The following DAB1 variants were observed in gnomAD, a reference collection of about 807,000 sequenced individuals.
The protein encoded by DAB1 is disabled homolog 1.
In DAB1, 15 loss-of-function variants were observed where a neutral mutation model predicts 64.6. The observed-to-expected ratio is 0.23, with a 90% CI of 0.16 to 0.36. The LOEUF (loss-of-function observed/expected upper bound fraction) is 0.36, where lower values mean the gene tolerates loss of function less well. DAB1 is among the 10% of genes least tolerant of loss of function. DAB1 has a pLI of 1.00. For missense variants in DAB1, 596 were observed against 706.7 expected (o/e 0.84, Z 1.78); for synonymous variants, 235 against 251.9 (o/e 0.93, Z 0.64).
At chr1:58,217,562 A>G (rs1048585713) in intron 4 of DAB1, among the ~76,000 whole-genome samples, 2 of 152,196 alleles carry the variant, frequency 1.3e-5, no homozygotes, top group African/African-American at 4.8e-5. Flanking sequence ...TTGTCAAGTA[A>G]TTCTGGAGGT....
In DAB1 at chr1:57,208,711, G is replaced by A. The variant is rs557374537; in HGVS notation, c.68-63282C>T. ...AGGTACTGTGGCAGGTGATTTTAAT[G>A]CATTTTCTTTCTCCAGTTTACATGA... On this transcript the variant is annotated intron_variant, in intron 2 of 14. Coordinates refer to ENST00000371236, the MANE Select transcript of DAB1 (RefSeq NM_001365792.1). 2.6e-5 allele frequency among the ~76,000 whole-genome samples: 4 copies of A among 152,248 alleles called. No individual in the cohort carries two copies. The South Asian group carries it at 8.3e-4, about 32-fold the overall frequency.
At chr1:57,553,387 A>AGAAAGAAAGC in intron 7 of DAB1, among the ~76,000 whole-genome samples, 1 of 2,614 alleles carries the variant, frequency 3.8e-4, no homozygotes. Context: ...GAAGAAAGAG[A>AGAAAGAAAGC]AAGAAAGAAA....
At position 57,641,686 on chromosome 1, in the gene DAB1, C is replaced by G. The variant is rs139366096; in HGVS notation, n.625+7906G>C. Among the ~76,000 whole-genome samples, 624 of 151,974 alleles carry G rather than the reference C, an allele frequency of 4.1e-3. 4 individuals carry two copies. Among genetic ancestry groups the G allele is most frequent in the African/African-American group, 0.013 (545 of 41,454 alleles). On this transcript the variant is annotated intron_variant and non_coding_transcript_variant, in intron 7 of 20. Transcript: ENST00000485760. ...TTTTTTTATAATTCAGTAACCCCAG[C>G]GTAATCTCTGAATAATATTTGTGTC... is the stretch of plus-strand genomic sequence containing the variant.
intron 1 of DAB1, among the ~76,000 whole-genome samples, chr1:57,310,476 G>A (rs540511989): frequency 6.6e-6 from 1 of 152,178 alleles, no homozygotes; most frequent in African/African-American, 2.4e-5. Context: ...ACCAGAGCTG[G>A]GCCCTAGAGA....
chr1:58,215,875 T>A (rs1014136206), intron 4 of DAB1, among the ~76,000 whole-genome samples: 2 of 152,144 alleles, frequency 1.3e-5, no homozygotes, highest in East Asian at 3.9e-4. Flanking sequence ...AGACTTCTCT[T>A]GAGAATGCAG....
intron 6 of DAB1, among the ~76,000 whole-genome samples, chr1:57,738,175 C>T (rs1193680298): frequency 1.3e-5 from 2 of 152,152 alleles, no homozygotes; most frequent in Non-Finnish European, 2.9e-5. Flanking sequence ...AATGACAGTT[C>T]CTTTCTTAAC....
chr1:58,058,758 T>C (rs1648305165), intron 5 of DAB1, among the ~76,000 whole-genome samples: 1 of 151,998 alleles, frequency 6.6e-6, no homozygotes, highest in Admixed American at 6.6e-5. Context: ...TGAGAAGAGG[T>C]TTAAAGTAAA....
chr1:58,008,896 C>T (rs1646626292), intron 5 of DAB1, among the ~76,000 whole-genome samples: 1 of 152,174 alleles, frequency 6.6e-6, no homozygotes, highest in African/African-American at 2.4e-5. Context: ...TATTTCATTA[C>T]AGCCATGTTC....
intron 4 of DAB1, among the ~76,000 whole-genome samples, chr1:58,279,926 G>A (rs1383906339): frequency 1.3e-5 from 2 of 152,040 alleles, no homozygotes; most frequent in Non-Finnish European, 2.9e-5. Context: ...TCATAGAAAC[G>A]AGTGTTTGGA....
chr1:58,300,610 A>AG (rs1662117104), intron 4 of DAB1, among the ~76,000 whole-genome samples: 16 of 47,038 alleles, frequency 3.4e-4, no homozygotes, highest in Non-Finnish European at 5.2e-4. Context: ...GAAAGAAAGA[A>AG]AGAGAGAGAG....
intron 4 of DAB1, among the ~76,000 whole-genome samples, chr1:57,122,732 C>A (rs912454292): frequency 3.3e-5 from 5 of 152,126 alleles, no homozygotes; most frequent in Admixed American, 3.3e-4. Flanking sequence ...CTTCAATAAA[C>A]CTGTTCTCCA....
At chr1:57,108,129 C>G (rs1174009350) in intron 4 of DAB1, among the ~76,000 whole-genome samples, 1 of 152,106 alleles carries the variant, frequency 6.6e-6, no homozygotes, top group African/African-American at 2.4e-5. Context: ...TTCTGACAGC[C>G]TCTCCAATCA....
intron 6 of DAB1, among the ~76,000 whole-genome samples, chr1:57,724,508 C>T (rs747763837): frequency 3.9e-4 from 59 of 152,162 alleles, no homozygotes; most frequent in Admixed American, 7.2e-4. Context: ...TGCCTATTAA[C>T]TTTTGCATGC....
chr1:58,308,046 A>G (rs1057319859), intron 4 of DAB1, among the ~76,000 whole-genome samples: 1 of 152,134 alleles, frequency 6.6e-6, no homozygotes, highest in Non-Finnish European at 1.5e-5. Context: ...GACTCTAGAA[A>G]AATTCAGCTT....
rs148380294 is a variant in DAB1, at chr1:58,238,335, G to T, written n.310-87747C>A. On this transcript the variant is annotated intron_variant and non_coding_transcript_variant, in intron 4 of 20. Coordinates refer to the DAB1 transcript ENST00000485760. The stretch of plus-strand genomic sequence containing the variant: ...GATGCTTCCATCATGAACGGTAAAT[G>T]TGTCAAATGACGCAAGGCACAAAGG... 1.3e-4 allele frequency among the ~76,000 whole-genome samples: 20 copies of T among 152,306 alleles called. No homozygotes were observed. The Middle Eastern group carries it at 0.01, about 78-fold the overall frequency.
At chr1:58,544,562 C>A (rs1382149370) in intron 1 of DAB1, among the ~76,000 whole-genome samples, 1 of 152,102 alleles carries the variant, frequency 6.6e-6, no homozygotes, top group Non-Finnish European at 1.5e-5. Context: ...TTTAAACCTC[C>A]ACTCAGGCAA....
intron 4 of DAB1, among the ~76,000 whole-genome samples, chr1:58,197,649 C>T (rs1023364832): frequency 6.6e-6 from 1 of 151,502 alleles, no homozygotes; most frequent in African/African-American, 2.4e-5. Flanking sequence ...CCACCTCAGC[C>T]TCCCGAAGTT....
intron 2 of DAB1, among the ~76,000 whole-genome samples, chr1:57,233,681 C>T (rs1005146680): frequency 6.6e-6 from 1 of 151,480 alleles, no homozygotes; most frequent in African/African-American, 2.4e-5. Flanking sequence ...ATTGCTTGAA[C>T]CTGGGAGGCG....
chr1:57,582,117 C>T (rs2101553018), intron 7 of DAB1, among the ~76,000 whole-genome samples: 1 of 152,258 alleles, frequency 6.6e-6, no homozygotes, highest in Admixed American at 6.5e-5. Flanking sequence ...CCTCAATGAC[C>T]TCATTTAAAG....
Sources: gnomAD v4.1 joint callset for allele counts (sites outside exome capture counted in the v4.1 genomes callset) on GRCh38, gnomAD v4.1.1 for gene constraint, MANE v1.5 for transcripts, NCBI Gene and HGNC (gene_info 2026-07-23, HGNC 2026-07-21) for gene names.